Variants in TMEM135 observed in about 807,000 individuals in gnomAD.
TMEM135 encodes the protein peroxisomal membrane protein 52.
TMEM135 carries 30 observed loss-of-function variants against 60.3 expected under a neutral mutation model. The observed-to-expected ratio is 0.50, with a 90% CI of 0.37 to 0.68. TMEM135 has a LOEUF of 0.68. TMEM135 is among the 30% of genes least tolerant of loss of function. TMEM135 has a pLI of 0.00. For missense variants in TMEM135, 468 were observed against 548.8 expected, an observed-to-expected ratio of 0.85 and a Z score of 1.47; for synonymous variants, 190 against 186.7, an observed-to-expected ratio of 1.02 and a Z score of -0.14.
chr11:87,077,593 T>C (rs1856901005), intron 3 of TMEM135, among the ~76,000 whole-genome samples: 1 of 152,288 alleles, frequency 6.6e-6, no homozygotes, highest in Admixed American at 6.5e-5. Context: ...GTAATAGCTT[T>C]ATTGAGTCAT....
chr11:87,170,514 T>A (rs1939204534), intron 5 of TMEM135, among the ~76,000 whole-genome samples: 1 of 152,212 alleles, frequency 6.6e-6, no homozygotes, highest in South Asian at 2.1e-4. Flanking sequence ...TCCTTTCTGT[T>A]TGTTAAATTT....
At chr11:87,138,834 T>C (rs2135242519) in intron 4 of TMEM135, among the ~76,000 whole-genome samples, 1 of 152,348 alleles carries the variant, frequency 6.6e-6, no homozygotes, top group East Asian at 1.9e-4. Context: ...GGTTTTTATA[T>C]AGAGTACATA....
chr11:87,112,643 G>GT (rs1857783478), intron 4 of TMEM135, among the ~76,000 whole-genome samples: 2 of 152,116 alleles, frequency 1.3e-5, no homozygotes, highest in South Asian at 4.1e-4. Context: ...AAATGTAAAT[G>GT]TAAGTGGTAA....
intron 14 of TMEM135, among the ~76,000 whole-genome samples, chr11:87,320,875 TAATG>T (rs1942807396): frequency 6.6e-6 from 1 of 152,158 alleles, no homozygotes. Context: ...ATAAAAATAA[TAATG>T]AACCTAATTT....
chr11:87,257,410 A>T (rs1941548293), intron 6 of TMEM135, among the ~76,000 whole-genome samples: 1 of 152,080 alleles, frequency 6.6e-6, no homozygotes, highest in Non-Finnish European at 1.5e-5. Flanking sequence ...TGTAGTTGAG[A>T]GGGAACTCTG....
chr11:87,216,414 T>C (rs954140454), intron 5 of TMEM135, among the ~76,000 whole-genome samples: 3 of 152,132 alleles, frequency 2.0e-5, no homozygotes, highest in African/African-American at 7.2e-5. Flanking sequence ...TACTCTACCC[T>C]GTTGTTTGAC....
intron 7 of TMEM135, among the ~76,000 whole-genome samples, chr11:87,297,442 A>G (rs1286547056): frequency 6.6e-6 from 1 of 152,244 alleles, no homozygotes; most frequent in Admixed American, 6.5e-5. Flanking sequence ...GTAAAAGATC[A>G]TGAAATTTAT....
intron 6 of TMEM135, among the ~76,000 whole-genome samples, chr11:87,255,771 G>T (rs1397713636): frequency 1.3e-5 from 2 of 152,306 alleles, no homozygotes; most frequent in Middle Eastern, 3.4e-3. Context: ...TGTAAGAGAG[G>T]AAGTGAAGGT....
intron 4 of TMEM135, among the ~76,000 whole-genome samples, chr11:87,118,037 G>A (rs1204285190): frequency 6.6e-6 from 1 of 152,112 alleles, no homozygotes; most frequent in Non-Finnish European, 1.5e-5. Flanking sequence ...CAACCTCTTG[G>A]GTGACCTGGT....
chr11:87,132,263 G>T (rs559599494), intron 4 of TMEM135, among the ~76,000 whole-genome samples: 1 of 152,150 alleles, frequency 6.6e-6, no homozygotes, highest in African/African-American at 2.4e-5. Flanking sequence ...GGTGCCTGCT[G>T]TCATAGGGTA....
In TMEM135 at chr11:87,043,617, G is replaced by T. The variant is rs1321580808; in HGVS notation, c.141+5431G>T. ...GTGCACCTGTAGTCCCAGCTGCTCG[G>T]GAGGCTGAAGCAGGAGAATCACTTG... On this transcript the variant is annotated intron_variant, in intron 1 of 14. Transcript: ENST00000305494. Among the ~76,000 whole-genome samples, 3 of 151,914 alleles carry T rather than the reference G, an allele frequency of 2.0e-5. No individual in the cohort carries two copies. The East Asian group carries it at 5.8e-4, about 29-fold the overall frequency.
At chr11:87,140,020 T>C (rs996568499) in intron 4 of TMEM135, among the ~76,000 whole-genome samples, 1 of 152,134 alleles carries the variant, frequency 6.6e-6, no homozygotes, top group Non-Finnish European at 1.5e-5. Context: ...TTGCCACATA[T>C]ATATTTGCAG....
intron 5 of TMEM135, among the ~76,000 whole-genome samples, chr11:87,235,472 T>C (rs998004019): frequency 6.6e-6 from 1 of 152,012 alleles, no homozygotes; most frequent in East Asian, 1.9e-4. Flanking sequence ...TATCTTAGGC[T>C]AAGACAGCAA....
intron 6 of TMEM135, among the ~76,000 whole-genome samples, chr11:87,244,679 G>T (rs1941218023): frequency 9.9e-6 from 1 of 101,184 alleles, no homozygotes; most frequent in Non-Finnish European, 2.3e-5. Flanking sequence ...TTGTATTTCT[G>T]TGGGATCAGT....
rs562819292 is a variant in TMEM135, at chr11:87,312,498, A to G, written c.937-927A>G. Among the ~76,000 whole-genome samples the G allele has an allele frequency of 1.2e-3, 187 of 151,956 alleles. 1 individual carries two copies. Among genetic ancestry groups the G allele is most frequent in the African/African-American group, 4.2e-3 (175 of 41,518 alleles). On this transcript the variant is annotated intron_variant, in intron 10 of 14. Transcript: ENST00000305494. ...TTTGTTTTAGATCAGAGGTCAACAC[A>G]CTTTTTCTGTGAAGAGCCAGATCAT... is the stretch of plus-strand genomic sequence containing the variant.
At chr11:87,123,128 G>T (rs745552161) in intron 4 of TMEM135, among the ~76,000 whole-genome samples, 1 of 152,164 alleles carries the variant, frequency 6.6e-6, no homozygotes, top group African/African-American at 2.4e-5. Flanking sequence ...TCATTCTTTT[G>T]TTCTCTTAAA....
chr11:87,179,732 A>G (rs1044401561), intron 5 of TMEM135, among the ~76,000 whole-genome samples: 9 of 152,172 alleles, frequency 5.9e-5, no homozygotes, highest in African/African-American at 1.2e-4. Flanking sequence ...TTGACCATAA[A>G]TATCAGGATT....
chr11:87,259,235 T>C (rs10444383), intron 6 of TMEM135: 162,193 of 455,732 alleles, frequency 0.36, 30,845 homozygotes, highest in Non-Finnish European at 0.41. Flanking sequence ...CCTCCGGGGA[T>C]AGGGGTTCCC....
chr11:87,078,469 A>G (rs900843729), intron 3 of TMEM135, among the ~76,000 whole-genome samples: 6 of 152,136 alleles, frequency 3.9e-5, no homozygotes, highest in Non-Finnish European at 7.3e-5. Flanking sequence ...GATATTCTAG[A>G]TATAATTTTC....
Sources: allele counts gnomAD v4.1 joint callset (sites outside exome capture counted in the v4.1 genomes callset), GRCh38; gene constraint gnomAD v4.1.1; transcripts MANE v1.5; gene names NCBI Gene and HGNC (gene_info 2026-07-23, HGNC 2026-07-21).